Variants in SGMS2 observed in about 807,000 individuals in gnomAD.
SGMS2 encodes the protein phosphatidylcholine:ceramide cholinephosphotransferase 2.
Under a neutral mutation model 43.8 loss-of-function variants are expected in SGMS2, and 21 were observed. The ratio of observed to expected loss-of-function variants is 0.48; its 90% CI spans 0.34 to 0.69. The LOEUF is 0.69. SGMS2 is among the 30% of genes least tolerant of loss of function. The pLI is 0.01. For synonymous variants in SGMS2, 167 were observed against 160.6 expected (o/e 1.04, Z -0.30); for missense variants, 384 against 443.2 (o/e 0.87, Z 1.20).
chr4:107,907,698 A>G (rs1731703104), intron 5 of SGMS2, among the ~76,000 whole-genome samples: 1 of 152,252 alleles, frequency 6.6e-6, no homozygotes, highest in Non-Finnish European at 1.5e-5. Flanking sequence ...AAATATCACT[A>G]TAAATGTAAA....
At chr4:107,831,906 C>T (rs567233657) in intron 1 of SGMS2, among the ~76,000 whole-genome samples, 18 of 152,260 alleles carry the variant, frequency 1.2e-4, no homozygotes, top group Middle Eastern at 3.4e-3. Flanking sequence ...ATGCTGGTAG[C>T]GGTAGTCTAG....
At chr4:107,838,391 G>C (rs1726314401) in intron 1 of SGMS2, among the ~76,000 whole-genome samples, 2 of 152,076 alleles carry the variant, frequency 1.3e-5, no homozygotes, top group Admixed American at 1.3e-4. Flanking sequence ...CCTGCTCTCT[G>C]TCTTTTCCAC....
At chr4:107,887,014 A>C (rs1382810586) in intron 2 of SGMS2, among the ~76,000 whole-genome samples, 1 of 152,244 alleles carries the variant, frequency 6.6e-6, no homozygotes, top group Admixed American at 6.5e-5. Flanking sequence ...TAAATAGCTT[A>C]AAAGTTTTCC....
At chr4:107,868,310 C>A (rs1275609746) in intron 2 of SGMS2, among the ~76,000 whole-genome samples, 1 of 152,158 alleles carries the variant, frequency 6.6e-6, no homozygotes, top group African/African-American at 2.4e-5. Context: ...AGTTGATCTT[C>A]AAATTAAGGT....
At chr4:107,897,597 A>G (rs953507640) in intron 3 of SGMS2, among the ~76,000 whole-genome samples, 2 of 152,132 alleles carry the variant, frequency 1.3e-5, no homozygotes, top group African/African-American at 2.4e-5. Context: ...ATTTTCATCT[A>G]GATCCTTTTT....
chr4:107,909,086 G>A (rs1270946048), intron 6 of SGMS2, among the ~76,000 whole-genome samples: 1 of 151,590 alleles, frequency 6.6e-6, no homozygotes, highest in Non-Finnish European at 1.5e-5. Flanking sequence ...ATTTTAAGGA[G>A]AAGGTAACAG....
chr4:107,841,937 T>G (rs1726535054), intron 1 of SGMS2, among the ~76,000 whole-genome samples: 1 of 152,100 alleles, frequency 6.6e-6, no homozygotes, highest in Non-Finnish European at 1.5e-5. Context: ...CAGGCATGAA[T>G]CACTATGCCT....
At chr4:107,841,527 G>A (rs1726502456) in intron 1 of SGMS2, among the ~76,000 whole-genome samples, 1 of 151,908 alleles carries the variant, frequency 6.6e-6, no homozygotes, top group African/African-American at 2.4e-5. Context: ...AATTGTCCTT[G>A]GATCTTCAGT....
intron 2 of SGMS2, chr4:107,867,804 T>A (rs1326778016): frequency 6.6e-6 from 1 of 152,062 alleles, no homozygotes; most frequent in Non-Finnish European, 1.5e-5. Flanking sequence ...ATAAATTTAT[T>A]TTTTTTATAT....
At chr4:107,884,812 G>A (rs1729621345) in intron 2 of SGMS2, among the ~76,000 whole-genome samples, 1 of 152,122 alleles carries the variant, frequency 6.6e-6, no homozygotes, top group Non-Finnish European at 1.5e-5. Flanking sequence ...TAAAATGTAT[G>A]AAACCAAACT....
chr4:107,904,935 A>G (rs935772351), intron 5 of SGMS2, among the ~76,000 whole-genome samples: 1 of 152,108 alleles, frequency 6.6e-6, no homozygotes, highest in Non-Finnish European at 1.5e-5. Flanking sequence ...TAATCTGAGG[A>G]TCATAAAAAA....
At chr4:107,841,690 G>T (rs927077509) in intron 1 of SGMS2, among the ~76,000 whole-genome samples, 1 of 151,882 alleles carries the variant, frequency 6.6e-6, no homozygotes, top group African/African-American at 2.4e-5. Context: ...AAGAGACAGG[G>T]TCTCACTATG....
intron 1 of SGMS2, among the ~76,000 whole-genome samples, chr4:107,828,549 G>A (rs1578489540): frequency 6.6e-6 from 1 of 152,148 alleles, no homozygotes; most frequent in Non-Finnish European, 1.5e-5. Flanking sequence ...TTTTGTGGCT[G>A]TGTCTCAACC....
At position 107,895,346 on chromosome 4, in the gene SGMS2, T is replaced by G. The variant is rs1269602560; in HGVS notation, c.-208T>G. 1.9e-6 allele frequency: 1 copy of G among 513,780 alleles called. No individual in the cohort carries two copies. Among genetic ancestry groups the G allele is most frequent in the African/African-American group, 1.9e-5 (1 of 51,906 alleles). The allele number at this position is 513,780 out of a possible 1,614,324, so 31.8% of individuals were successfully genotyped here. A position where few individuals can be genotyped will look rare whatever the true frequency, so the allele number is the denominator to read the frequency against. On this transcript the variant is annotated 5_prime_UTR_variant, in exon 3 of 7. Transcript: ENST00000690982. ...ACATCTTTTTGAGGGAAGAATTGGC[T>G]TCCTTTCTTGAAAGTGGTGAAGGTA...
chr4:107,881,932 A>T (rs74871514), intron 2 of SGMS2, among the ~76,000 whole-genome samples: 1 of 152,138 alleles, frequency 6.6e-6, no homozygotes, highest in African/African-American at 2.4e-5. Flanking sequence ...CCATATTGCA[A>T]ATGATGACAT....
chr4:107,890,235 G>C (rs1292637156), intron 2 of SGMS2, among the ~76,000 whole-genome samples: 1 of 152,164 alleles, frequency 6.6e-6, no homozygotes, highest in Non-Finnish European at 1.5e-5. Flanking sequence ...CCGAAAGGGA[G>C]TCTGGTGTCT....
Position 107,842,284 on chromosome 4 carries a change from T to A in SGMS2, c.-326-16188T>A, listed in dbSNP as rs189437375. Among the ~76,000 whole-genome samples the A allele has an allele frequency of 7.2e-4, 109 of 152,282 alleles. 1 individual carries two copies. In the South Asian group the frequency reaches 9.5e-3, roughly 13 times the overall value. On this transcript the variant is annotated intron_variant, in intron 1 of 6. Transcript: ENST00000690982. Reference sequence around the variant, plus strand: ...GTACAAGAAGTGTAATGCCAACATCTGCTTCTGGTGAGGGCCTCAGGAAGC... The same window carrying A: ...GTACAAGAAGTGTAATGCCAACATCAGCTTCTGGTGAGGGCCTCAGGAAGC...
intron 5 of SGMS2, among the ~76,000 whole-genome samples, chr4:107,907,604 T>G (rs1731692891): frequency 1.3e-5 from 2 of 152,116 alleles, no homozygotes; most frequent in African/African-American, 2.4e-5. Flanking sequence ...AGAGCGAAAC[T>G]CCCTCTCAAA....
At chr4:107,892,289 A>G (rs181926128) in intron 2 of SGMS2, among the ~76,000 whole-genome samples, 118 of 151,020 alleles carry the variant, frequency 7.8e-4, no homozygotes, top group Admixed American at 1.5e-3. Context: ...TTAGATCTCA[A>G]CCAGAATTGG....
Sources: gnomAD v4.1 joint callset for allele counts (sites outside exome capture counted in the v4.1 genomes callset) on GRCh38, gnomAD v4.1.1 for gene constraint, MANE v1.5 for transcripts, NCBI Gene and HGNC (gene_info 2026-07-23, HGNC 2026-07-21) for gene names.